Variants in SLC67A1 observed in about 807,000 individuals in gnomAD.
SLC67A1 encodes the protein solute carrier family 67 member 1, also known as solute carrier family 67 member A1.
chr11:2,925,050 C>T, the SLC67A1 span: 27 of 1,613,436 alleles, frequency 1.7e-5, no homozygotes, highest in Admixed American at 5.0e-5. This position sits in a 1 kb window ranked among gnomAD's most constrained non-coding sequence, Gnocchi z 6.5. Context: ...AACCACTGCT[C>T]CGAACTCTGG....
the SLC67A1 span, among the ~76,000 whole-genome samples, chr11:2,904,001 G>C: frequency 0.6 from 90,577 of 152,130 alleles, 27,206 homozygotes; most frequent in East Asian, 0.77. Flanking sequence ...ATAGAATGCT[G>C]TCTTATTTTA....
chr11:2,922,319 C>G, the SLC67A1 span: 2 of 1,519,412 alleles, frequency 1.3e-6, no homozygotes, highest in South Asian at 2.3e-5. Context: ...CACACCCACC[C>G]GGGGCCAGCT....
chr11:2,905,135 G>A, the SLC67A1 span, among the ~76,000 whole-genome samples: 1 of 152,314 alleles, frequency 6.6e-6, no homozygotes, highest in South Asian at 2.1e-4. Context: ...GAGAGCCGAA[G>A]GGAGCTGGAC....
chr11:2,907,400 C>T, the SLC67A1 span, among the ~76,000 whole-genome samples: 1 of 152,192 alleles, frequency 6.6e-6, no homozygotes, highest in East Asian at 1.9e-4. This position sits in a 1 kb window ranked among gnomAD's most constrained non-coding sequence, Gnocchi z 6.7. Flanking sequence ...GGAGCCCAGA[C>T]ATCCCTTGGC....
At chr11:2,925,105 G>A in the SLC67A1 span, 407 of 1,613,738 alleles carry the variant, frequency 2.5e-4, 1 homozygote, top group East Asian at 2.5e-4. The surrounding 1 kb of genome is among the most constrained non-coding windows in gnomAD (Gnocchi z 6.5). Context: ...TGGCGTCCCC[G>A]TCTTCGGCCA....
the SLC67A1 span, chr11:2,919,521 C>G: frequency 8.0e-6 from 6 of 749,800 alleles, no homozygotes; most frequent in African/African-American, 7.0e-5. Flanking sequence ...GGCCTCCCAT[C>G]TGGCACATGT....
the SLC67A1 span, chr11:2,914,607 C>A: frequency 1.5e-6 from 1 of 686,388 alleles, no homozygotes; most frequent in Non-Finnish European, 1.8e-6. Context: ...CAGCCCCAGG[C>A]TTTCCTGTTG....
chr11:2,924,567 C>T, the SLC67A1 span, among the ~76,000 whole-genome samples: 12 of 152,178 alleles, frequency 7.9e-5, no homozygotes, highest in East Asian at 5.8e-4. The surrounding 1 kb of genome is among the most constrained non-coding windows in gnomAD (Gnocchi z 8.6). Context: ...ACAGCCTGGG[C>T]GGGAGGTTCC....
chr11:2,909,265 G>A, the SLC67A1 span: 3 of 1,535,638 alleles, frequency 2.0e-6, no homozygotes, highest in Non-Finnish European at 2.6e-6. Flanking sequence ...CGCTCTACCT[G>A]CTCCTGGCGG....
the SLC67A1 span, among the ~76,000 whole-genome samples, chr11:2,901,986 G>A: frequency 6.6e-6 from 1 of 152,168 alleles, no homozygotes; most frequent in Non-Finnish European, 1.5e-5. Flanking sequence ...CAGGCCCAAA[G>A]TGGACACCGG....
the SLC67A1 span, among the ~76,000 whole-genome samples, chr11:2,906,122 C>G: frequency 2.0e-5 from 3 of 152,220 alleles, no homozygotes; most frequent in Non-Finnish European, 2.9e-5. Flanking sequence ...TGAGAAAATG[C>G]TCATCATCAC....
the SLC67A1 span, chr11:2,916,174 G>A: frequency 1.9e-5 from 3 of 157,092 alleles, no homozygotes; most frequent in Non-Finnish European, 4.2e-5. Context: ...CCTTGCCCAC[G>A]CTGGGGAGGC....
the SLC67A1 span, among the ~76,000 whole-genome samples, chr11:2,915,691 A>G: frequency 6.6e-6 from 1 of 152,154 alleles, no homozygotes. Flanking sequence ...CAGGCTGTAT[A>G]GGAGTTTGCT....
At chr11:2,907,591 G>A in the SLC67A1 span, among the ~76,000 whole-genome samples, 1 of 152,192 alleles carries the variant, frequency 6.6e-6, no homozygotes, top group Admixed American at 6.5e-5. The surrounding 1 kb of genome is among the most constrained non-coding windows in gnomAD (Gnocchi z 6.7). Flanking sequence ...CTGAGGTTCT[G>A]GAGGTTAAGA....
chr11:2,909,111 T>A, the SLC67A1 span: 1 of 1,327,172 alleles, frequency 7.5e-7, no homozygotes, highest in East Asian at 2.8e-5. Context: ...GCCTCCCTGG[T>A]CAGCCCCGCC....
chr11:2,909,582 C>T, the SLC67A1 span: 1 of 1,528,932 alleles, frequency 6.5e-7, no homozygotes, highest in Middle Eastern at 2.1e-4. Context: ...CCCCAGCCGC[C>T]CAGATGGTCA....
At chr11:2,917,497 G>C in the SLC67A1 span, among the ~76,000 whole-genome samples, 230 of 152,350 alleles carry the variant, frequency 1.5e-3, no homozygotes, top group African/African-American at 4.5e-3. Context: ...CTGGGGGCCT[G>C]TGGCTTCGCA....
At chr11:2,919,707 G>C in the SLC67A1 span, 5 of 433,122 alleles carry the variant, frequency 1.2e-5, no homozygotes, top group Non-Finnish European at 2.1e-5. Context: ...CTCCAAATCT[G>C]TCCCATGAGG....
At chr11:2,909,666 C>T in the SLC67A1 span, 2 of 1,540,970 alleles carry the variant, frequency 1.3e-6, no homozygotes, top group Non-Finnish European at 1.7e-6. Context: ...GCGTCGGAGT[C>T]ATCCTCGGCT....
Sources: allele counts gnomAD v4.1 joint callset (sites outside exome capture counted in the v4.1 genomes callset), GRCh38; gene constraint gnomAD v4.1.1; non-coding constraint Gnocchi (gnomAD v3.1); transcripts MANE v1.5; gene names NCBI Gene and HGNC (gene_info 2026-07-23, HGNC 2026-07-21).